The following PVT1 variants were observed in gnomAD, a reference collection of about 807,000 sequenced individuals.
PVT1 encodes the protein CXCR4/PVT1 fusion.
chr8:127,832,939 G>A (rs1369057935), intron 2 of PVT1, among the ~76,000 whole-genome samples: 2 of 152,146 alleles, frequency 1.3e-5, no homozygotes, highest in Non-Finnish European at 2.9e-5. Flanking sequence ...CCAACTCTGA[G>A]ATTATCTGAT....
intron 3 of PVT1, among the ~76,000 whole-genome samples, chr8:127,977,557 AC>A (rs574170452): frequency 3.3e-5 from 5 of 152,056 alleles, no homozygotes; most frequent in African/African-American, 1.2e-4. Flanking sequence ...ACATGGTGAA[AC>A]CCCATCTCTA....
At chr8:128,072,298 G>A (rs1814007828) in intron 5 of PVT1, among the ~76,000 whole-genome samples, 1 of 152,148 alleles carries the variant, frequency 6.6e-6, no homozygotes, top group Non-Finnish European at 1.5e-5. Context: ...TTTCTGGAAG[G>A]TGGCTGGGGA....
In PVT1 at chr8:128,092,555, G is replaced by A. The variant is rs183612662; in HGVS notation, n.1115-3963G>A. Among the ~76,000 whole-genome samples the A allele has an allele frequency of 1.7e-3, 257 of 152,312 alleles. 1 individual carries two copies. Among genetic ancestry groups the A allele is most frequent in the African/African-American group, 3.0e-3 (123 of 41,558 alleles). On this transcript the variant is annotated intron_variant and non_coding_transcript_variant, in intron 5 of 10. Transcript: ENST00000651587. Reference sequence around the variant, plus strand: ...TCATGCCCTGAAGCGTTCCGGAACCGGTAGGGGCTGCCTGTCCTGCCACTC... The same window carrying A: ...TCATGCCCTGAAGCGTTCCGGAACCAGTAGGGGCTGCCTGTCCTGCCACTC...
At chr8:127,975,524 C>G (rs1294288090) in intron 3 of PVT1, among the ~76,000 whole-genome samples, 4 of 152,170 alleles carry the variant, frequency 2.6e-5, no homozygotes, top group African/African-American at 9.6e-5. Flanking sequence ...AGTTGCAACG[C>G]AGCCTTGACT....
At chr8:127,814,791 C>T (rs1814640819) in intron 2 of PVT1, among the ~76,000 whole-genome samples, 1 of 152,102 alleles carries the variant, frequency 6.6e-6, no homozygotes, top group Non-Finnish European at 1.5e-5. Context: ...GAACATTTTT[C>T]ATCATTCCAA....
At chr8:128,033,129 T>C (rs1813414087) in intron 4 of PVT1, among the ~76,000 whole-genome samples, 1 of 152,182 alleles carries the variant, frequency 6.6e-6, no homozygotes, top group African/African-American at 2.4e-5. Context: ...CTTAAAACTA[T>C]TTGCATTGTT....
intron 3 of PVT1, among the ~76,000 whole-genome samples, chr8:127,944,862 G>T (rs1244122977): frequency 6.6e-6 from 1 of 152,170 alleles, no homozygotes; most frequent in Non-Finnish European, 1.5e-5. Context: ...CGGCAAATTG[G>T]TTTAAGTGGA....
chr8:128,097,348 TGAGAC>T (rs1285667366), intron 6 of PVT1, among the ~76,000 whole-genome samples: 18 of 151,976 alleles, frequency 1.2e-4, no homozygotes, highest in Non-Finnish European at 2.4e-4. Context: ...GGCGACAGAG[TGAGAC>T]TACTTCTCAA....
chr8:128,016,391 C>T (rs1317984348), intron 4 of PVT1, among the ~76,000 whole-genome samples: 1 of 152,162 alleles, frequency 6.6e-6, no homozygotes, highest in East Asian at 1.9e-4. Context: ...ACATGTGTCA[C>T]CAACTATGGC....
chr8:128,081,144 C>G (rs190734181), intron 5 of PVT1, among the ~76,000 whole-genome samples: 1 of 152,276 alleles, frequency 6.6e-6, no homozygotes, highest in African/African-American at 2.4e-5. Context: ...TGAGTAGTGT[C>G]AGTCCTCCAG....
At position 127,866,582 on chromosome 8, in the gene PVT1, A is replaced by T. The variant is rs574761081; in HGVS notation, n.373-24007A>T. Among the ~76,000 whole-genome samples, 222 of 152,190 alleles carry T rather than the reference A, an allele frequency of 1.5e-3. 1 individual carries two copies. Among genetic ancestry groups the T allele is most frequent in the African/African-American group, 5.2e-3 (214 of 41,536 alleles). On this transcript the variant is annotated intron_variant and non_coding_transcript_variant, in intron 2 of 10. Transcript: ENST00000651587. ...AGAGACAGGAGTGGGCTGGGTGAGCATGGGGTGGTCGCAGGGGGAAGGGGA... is the reference window on the plus strand; with the variant it reads ...AGAGACAGGAGTGGGCTGGGTGAGCTTGGGGTGGTCGCAGGGGGAAGGGGA...
At chr8:127,993,377 A>G (rs546316790) in intron 4 of PVT1, among the ~76,000 whole-genome samples, 1 of 152,252 alleles carries the variant, frequency 6.6e-6, no homozygotes, top group Non-Finnish European at 1.5e-5. Context: ...AGTCTCTTTC[A>G]GTCCAGCTCA....
intron 2 of PVT1, among the ~76,000 whole-genome samples, chr8:127,839,090 A>T (rs960737303): frequency 2.0e-5 from 3 of 151,534 alleles, no homozygotes; most frequent in Admixed American, 1.3e-4. Flanking sequence ...TTTTGTACAA[A>T]CTCCCTCTGT....
At chr8:127,888,662 A>G (rs1056943236) in intron 2 of PVT1, among the ~76,000 whole-genome samples, 2 of 152,208 alleles carry the variant, frequency 1.3e-5, no homozygotes, top group Non-Finnish European at 2.9e-5. Context: ...CCACAGAAGC[A>G]GAGTCAGAGA....
intron 4 of PVT1, among the ~76,000 whole-genome samples, chr8:128,022,326 G>T (rs925673075): frequency 2.0e-5 from 3 of 152,296 alleles, no homozygotes; most frequent in East Asian, 3.9e-4. Context: ...AGGGAAAGTT[G>T]CATTCTTCTC....
At chr8:127,955,075 C>G (rs914151848) in intron 3 of PVT1, among the ~76,000 whole-genome samples, 6 of 152,140 alleles carry the variant, frequency 3.9e-5, no homozygotes, top group African/African-American at 7.2e-5. Flanking sequence ...CAGAATATGA[C>G]TGGATTTGAA....
chr8:128,100,439 G>T (rs551460084), intron 6 of PVT1, among the ~76,000 whole-genome samples: 1 of 152,120 alleles, frequency 6.6e-6, no homozygotes, highest in African/African-American at 2.4e-5. Flanking sequence ...CCACATGGAC[G>T]GGAATGAGAA....
intron 3 of PVT1, chr8:127,939,695 G>A (rs1816324890): frequency 6.6e-6 from 1 of 152,162 alleles, no homozygotes; most frequent in South Asian, 2.1e-4. Flanking sequence ...CTTACCTGAG[G>A]CCATGTGCTA....
chr8:128,020,373 C>A (rs1817419254), intron 4 of PVT1, among the ~76,000 whole-genome samples: 1 of 152,172 alleles, frequency 6.6e-6, no homozygotes, highest in African/African-American at 2.4e-5. Flanking sequence ...CCCTTAAAGG[C>A]AGAGGTTTTC....
Sources: gnomAD v4.1 joint callset for allele counts (sites outside exome capture counted in the v4.1 genomes callset) on GRCh38, gnomAD v4.1.1 for gene constraint, MANE v1.5 for transcripts, NCBI Gene and HGNC (gene_info 2026-07-23, HGNC 2026-07-21) for gene names.